TRIML2: variants seen among roughly 807,000 people sequenced by gnomAD.
TRIML2 encodes the protein tripartite motif family like 2.
A neutral mutation model predicts 31.2 loss-of-function variants in TRIML2; 28 were observed. That is an observed-to-expected ratio of 0.90 (90% CI 0.66 to 1.23). The LOEUF (loss-of-function observed/expected upper bound fraction) is 1.23. Among genes scored for constraint, TRIML2 ranks in the 50% most tolerant of loss-of-function variants. The probability of loss-of-function intolerance (pLI) is 0.00; values close to 1 mark genes in which losing one functional copy is unlikely to be tolerated. For synonymous variants in TRIML2, 187 were observed against 197.5 expected (o/e 0.95, Z 0.45); for missense variants, 536 against 528.3 (o/e 1.01, Z -0.14).
At chr4:188,104,719 A>G (rs1733950804) in intron 3 of TRIML2, 118 bp downstream of exon 3, 2 of 870,710 alleles carry the variant, frequency 2.3e-6, no homozygotes, top group South Asian at 1.5e-5. Flanking sequence ...TTTCCTTCCT[A>G]TAGATTTCAC....
chr4:188,097,223 G>A, intron 6 of TRIML2, 62 bp from the exon 7 acceptor site: 1 of 1,590,918 alleles, frequency 6.3e-7, no homozygotes, highest in East Asian at 2.2e-5. Flanking sequence ...TCTACTGGAT[G>A]GATCCCATTA....
At chr4:188,097,369 G>T (rs1221580162) in intron 5 of TRIML2, 23 bp from the exon 6 acceptor site, 2 of 1,612,536 alleles carry the variant, frequency 1.2e-6, no homozygotes. Context: ...AAAGAGACCA[G>T]GTTACTACTG....
chr4:188,096,838 G>A (rs1461717572), intron 7 of TRIML2, among the ~76,000 whole-genome samples: 2 of 151,930 alleles, frequency 1.3e-5, no homozygotes, highest in Non-Finnish European at 2.9e-5. Context: ...CGTATTTTTT[G>A]TAGAGATGGG....
chr4:188,095,019 A>G (rs1733442501), intron 7 of TRIML2, among the ~76,000 whole-genome samples: 1 of 152,184 alleles, frequency 6.6e-6, no homozygotes, highest in Admixed American at 6.5e-5. Flanking sequence ...AATTGAATGG[A>G]CAAAGGTAGT....
At chr4:188,093,311 A>C (rs1733347772) in intron 7 of TRIML2, among the ~76,000 whole-genome samples, 1 of 152,198 alleles carries the variant, frequency 6.6e-6, no homozygotes, top group Admixed American at 6.5e-5. Flanking sequence ...TGAATTTTTA[A>C]AAAATTGTCT....
intron 3 of TRIML2, among the ~76,000 whole-genome samples, chr4:188,102,674 C>G (rs891067514): frequency 5.3e-5 from 8 of 151,856 alleles, no homozygotes; most frequent in African/African-American, 1.9e-4. Context: ...CATGGTGAAA[C>G]CCCGTCTCTA....
rs1733981269 is a variant in TRIML2, at chr4:188,105,317, A to G, written c.52T>C (p.Tyr18His). 6.2e-7 allele frequency: 1 copy of G among 1,606,134 alleles called. No homozygotes were observed. Among genetic ancestry groups the G allele is most frequent in the Admixed American group, 1.7e-5 (1 of 59,886 alleles). The change falls in exon 2 of 8, where the codon TAT becomes CAT. Residue 18 changes from tyrosine (Y) to histidine (H), a missense_variant. Transcript: ENST00000682553. ...GTTGGTTCCAGGTGTGTTTCACAAT[A>G]GGCATCTTCTGTGATGTTGTGCTGT... Reference protein sequence around the residue: ...QLQHNITEDAYCETHLEPTRL... With the variant: ...QLQHNITEDAHCETHLEPTRL...
Position 188,097,225 on chromosome 4 carries a change from A to G in TRIML2, c.645-64T>C, listed in dbSNP as rs1342588062. ...ACAGGCCCCTTAGTCTACTGGATGG[A>G]TCCCATTACATCCTACCAGCAAATG... On this transcript the variant is annotated intron_variant, in intron 6 of 7. Coordinates refer to ENST00000682553, the MANE Select transcript of TRIML2 (RefSeq NM_173553.4). 2.5e-6 allele frequency: 4 copies of G among 1,587,772 alleles called. No homozygotes were observed. The African/African-American group carries it at 5.4e-5, about 21-fold the overall frequency.
chr4:188,096,932 C>A, intron 7 of TRIML2, 129 bp downstream of exon 7: 2 of 717,260 alleles, frequency 2.8e-6, no homozygotes, highest in Non-Finnish European at 2.4e-6. Context: ...GCTGGGATTA[C>A]AGGAGTGACC....
chr4:188,106,841 C>T, intron 1 of TRIML2: 2 of 255,864 alleles, frequency 7.8e-6, no homozygotes, highest in Non-Finnish European at 1.6e-5. Flanking sequence ...ACAGGCCGGG[C>T]TGAGCCGCGG....
At chr4:188,100,896 T>A (rs1306080751) in intron 4 of TRIML2, among the ~76,000 whole-genome samples, 160 bp downstream of exon 4, 1 of 152,192 alleles carries the variant, frequency 6.6e-6, no homozygotes, top group Non-Finnish European at 1.5e-5. Context: ...TTTATATGCA[T>A]GTCAAGATAA....
At chr4:188,099,748 G>A (rs1362818376) in intron 4 of TRIML2, among the ~76,000 whole-genome samples, 2 of 152,128 alleles carry the variant, frequency 1.3e-5, no homozygotes, top group Non-Finnish European at 2.9e-5. Context: ...GTGTGTGCAC[G>A]CAGCCCTTAC....
At chr4:188,098,765 G>T in intron 5 of TRIML2, 1 of 405,716 alleles carries the variant, frequency 2.5e-6, no homozygotes, top group Non-Finnish European at 4.4e-6. Flanking sequence ...ATTGCATGGA[G>T]GTATTAACCA....
intron 5 of TRIML2, chr4:188,098,767 T>G: frequency 2.4e-6 from 1 of 416,470 alleles, no homozygotes; most frequent in Non-Finnish European, 4.3e-6. Context: ...TGCATGGAGG[T>G]ATTAACCACA....
intron 2 of TRIML2, 112 bp from the exon 3 acceptor site, chr4:188,105,044 A>G: frequency 7.1e-7 from 1 of 1,401,892 alleles, no homozygotes; most frequent in Non-Finnish European, 1.0e-6. Flanking sequence ...TTTAGGTTGA[A>G]GGTTCAACGA....
intron 2 of TRIML2, 91 bp downstream of exon 2, chr4:188,105,089 G>A: frequency 6.8e-7 from 1 of 1,464,780 alleles, no homozygotes; most frequent in South Asian, 1.2e-5. Context: ...CATCAACTAA[G>A]GTAATGGTTT....
In TRIML2 at chr4:188,105,416, G is replaced by A. The variant is rs764382064; in HGVS notation, c.-48C>T. The A allele has an allele frequency of 5.3e-5, 75 of 1,423,308 alleles. No individual in the cohort carries two copies. The South Asian group carries it at 8.0e-4, about 15-fold the overall frequency. 88.2% of individuals were successfully genotyped at this position (1,423,308 alleles called of 1,614,324 possible). On this transcript the variant is annotated 5_prime_UTR_variant, in exon 2 of 8. Coordinates refer to ENST00000682553, the MANE Select transcript of TRIML2 (RefSeq NM_173553.4). ...AGACTGGACTGTATGCTTCTACTGA[G>A]GTATCTCCCTGCACTGTGAATGAGA...
rs1205539129 is a variant in TRIML2, at chr4:188,091,354, G to C, written c.*19C>G. 5 of 1,596,742 alleles carry C rather than the reference G, an allele frequency of 3.1e-6. No individual in the cohort carries two copies. The highest frequency in any genetic ancestry group is 4.3e-6 in the Non-Finnish European group (5 of 1,168,724). ...CAACTTTCTGGTGTCTCGTGGTCTT[G>C]GATTTTACACACAGAAGATTAAGGG... On this transcript the variant is annotated 3_prime_UTR_variant, in exon 8 of 8. Coordinates refer to ENST00000682553, the MANE Select transcript of TRIML2 (RefSeq NM_173553.4).
Position 188,091,459 on chromosome 4 carries a change from G to A in TRIML2, c.1228C>T (p.Leu410Phe), listed in dbSNP as rs1307053173. ...CTTGTGTCTCCATTTGGGATACAGA[G>A]GGAAAACACAGGCCTGAGAGCTCCT... is the stretch of plus-strand genomic sequence containing the variant. ...FQGALRPVFS[L>F]CIPNGDTSPD... is the part of the protein sequence containing the mutation. Residue 410 changes from leucine (L) to phenylalanine (F), a missense_variant, in exon 8 of 8, where the codon CTC becomes TTC. By Grantham distance (22) the Leu-to-Phe change is conservative (BLOSUM62 0). Transcript: ENST00000682553. 3 of 1,614,164 alleles carry A rather than the reference G, an allele frequency of 1.9e-6. No individual in the cohort carries two copies. Among genetic ancestry groups the A allele is most frequent in the African/African-American group, 1.3e-5 (1 of 75,034 alleles).
Sources: gnomAD v4.1 joint callset for allele counts (sites outside exome capture counted in the v4.1 genomes callset) on GRCh38, gnomAD v4.1.1 for gene constraint, MANE v1.5 for transcripts, NCBI Gene and HGNC (gene_info 2026-07-23, HGNC 2026-07-21) for gene names.